PTPRD: variants seen among roughly 807,000 people sequenced by gnomAD.
PTPRD encodes the protein protein tyrosine phosphatase receptor type D.
PTPRD carries 34 observed loss-of-function variants against 214.5 expected under a neutral mutation model. The observed-to-expected ratio is 0.16, with a 90% CI of 0.12 to 0.21. The LOEUF (loss-of-function observed/expected upper bound fraction) is 0.21, where lower values mean the gene tolerates loss of function less well. PTPRD is among the 10% of genes least tolerant of loss of function. PTPRD has a pLI of 1.00. For synonymous variants in PTPRD, 1,128 were observed against 845.7 expected, an observed-to-expected ratio of 1.33 and a Z score of -5.79; for missense variants, 2,545 against 2,398.7, an observed-to-expected ratio of 1.06 and a Z score of -1.27.
At chr9:9,519,598 C>G (rs1049845240) in intron 8 of PTPRD, among the ~76,000 whole-genome samples, 2 of 151,982 alleles carry the variant, frequency 1.3e-5, no homozygotes, top group Non-Finnish European at 2.9e-5. Context: ...AATAAATCAA[C>G]TCCTAGAACA....
intron 3 of PTPRD, among the ~76,000 whole-genome samples, chr9:10,146,333 T>G (rs1163986408): frequency 6.6e-6 from 1 of 151,962 alleles, no homozygotes; most frequent in Non-Finnish European, 1.5e-5. Flanking sequence ...CTATCCTAAG[T>G]GGTAAGGATA....
intron 4 of PTPRD, among the ~76,000 whole-genome samples, chr9:9,990,843 A>G (rs533064123): frequency 6.6e-6 from 1 of 152,284 alleles, no homozygotes. Context: ...TGTCCACTCT[A>G]TGAGGGTCCT....
intron 10 of PTPRD, among the ~76,000 whole-genome samples, chr9:9,053,586 G>A (rs935133529): frequency 5.3e-5 from 8 of 152,046 alleles, no homozygotes; most frequent in Admixed American, 3.3e-4. Context: ...ACAGCCTGGT[G>A]GACACCTTGA....
intron 10 of PTPRD, among the ~76,000 whole-genome samples, chr9:9,140,723 T>C (rs995789267): frequency 1.8e-4 from 27 of 152,208 alleles, no homozygotes; most frequent in South Asian, 4.1e-4. Flanking sequence ...GGACTACAGG[T>C]GCCCGCCACC....
chr9:9,719,579 G>A (rs142641283), intron 7 of PTPRD, among the ~76,000 whole-genome samples: 38 of 152,236 alleles, frequency 2.5e-4, no homozygotes, highest in African/African-American at 8.9e-4. Context: ...TTGCAGGCCA[G>A]AACAAGGTGG....
chr9:9,756,245 T>C (rs1375423173), intron 6 of PTPRD, among the ~76,000 whole-genome samples: 2 of 152,114 alleles, frequency 1.3e-5, no homozygotes, highest in Non-Finnish European at 2.9e-5. Context: ...GTGAGATTCA[T>C]TAGCTTCTAA....
chr9:9,545,525 A>T (rs2078587032), intron 8 of PTPRD, among the ~76,000 whole-genome samples: 1 of 151,914 alleles, frequency 6.6e-6, no homozygotes, highest in South Asian at 2.1e-4. Context: ...AGAACATCTT[A>T]ATTTCTTTCA....
chr9:8,703,806 A>G (rs1212022855), intron 12 of PTPRD, among the ~76,000 whole-genome samples: 2 of 152,174 alleles, frequency 1.3e-5, no homozygotes, highest in Admixed American at 6.5e-5. Flanking sequence ...TCAAGTATCA[A>G]ATTGCTTATT....
At chr9:8,502,432 T>C in intron 23 of PTPRD, among the ~76,000 whole-genome samples, 1 of 152,112 alleles carries the variant, frequency 6.6e-6, no homozygotes, top group East Asian at 1.9e-4. Context: ...GGATTATCAG[T>C]CTTTCTTAAT....
chr9:9,512,245 T>C (rs979474384), intron 8 of PTPRD, among the ~76,000 whole-genome samples: 3 of 151,854 alleles, frequency 2.0e-5, no homozygotes, highest in African/African-American at 7.2e-5. Flanking sequence ...TCAATTAGTA[T>C]GCAAGCTTTC....
At chr9:9,200,215 G>A (rs1389632566) in intron 9 of PTPRD, among the ~76,000 whole-genome samples, 2 of 152,218 alleles carry the variant, frequency 1.3e-5, no homozygotes, top group Non-Finnish European at 2.9e-5. Context: ...TTAGAAAGCA[G>A]AAATCAGAAA....
At chr9:9,383,945 A>G (rs1442931369) in intron 9 of PTPRD, among the ~76,000 whole-genome samples, 1 of 151,988 alleles carries the variant, frequency 6.6e-6, no homozygotes, top group Non-Finnish European at 1.5e-5. Flanking sequence ...CAGAAGTGAT[A>G]TCTAACCCTG....
At chr9:9,975,481 C>G (rs76184542) in intron 4 of PTPRD, among the ~76,000 whole-genome samples, 1,894 of 152,344 alleles carry the variant, frequency 0.012, 41 homozygotes, top group African/African-American at 0.043. Flanking sequence ...TTGAGCCACT[C>G]TGAGTGAGGA....
intron 14 of PTPRD, among the ~76,000 whole-genome samples, chr9:8,549,661 T>C (rs932186017): frequency 6.6e-6 from 1 of 152,124 alleles, no homozygotes; most frequent in Non-Finnish European, 1.5e-5. Flanking sequence ...TAATGCAACT[T>C]TGAGAGGGGA....
rs150335209 is a variant in PTPRD, at chr9:8,318,250, T to A, written c.5671-308A>T. 5.5e-3 allele frequency among the ~76,000 whole-genome samples: 844 copies of A among 152,116 alleles called. 8 individuals are homozygous for A. Among genetic ancestry groups the A allele is most frequent in the African/African-American group, 0.018 (765 of 41,524 alleles). On this transcript the variant is annotated intron_variant, in intron 45 of 45. Coordinates refer to ENST00000381196, the MANE Select transcript of PTPRD (RefSeq NM_002839.4). ...AGTAGTATCAAACCATTACCACCAA[T>A]TGAACACATAAACTTCTTACATGCC...
chr9:8,359,311 A>AGCAG (rs1269355715), intron 39 of PTPRD, among the ~76,000 whole-genome samples: 1 of 151,372 alleles, frequency 6.6e-6, no homozygotes, highest in African/African-American at 2.4e-5. Context: ...GGTGGGGTCA[A>AGCAG]GCAGTTTGAA....
chr9:8,576,176 C>G (rs2092331102), intron 14 of PTPRD, among the ~76,000 whole-genome samples: 1 of 152,084 alleles, frequency 6.6e-6, no homozygotes, highest in Non-Finnish European at 1.5e-5. Flanking sequence ...AATGTGCACA[C>G]TTTTCAACCA....
At chr9:10,324,021 A>G (rs2154429845) in intron 3 of PTPRD, among the ~76,000 whole-genome samples, 1 of 152,208 alleles carries the variant, frequency 6.6e-6, no homozygotes, top group African/African-American at 2.4e-5. Flanking sequence ...TTAAGTTAGC[A>G]GAACCTGGAA....
chr9:10,319,789 C>T (rs568037994), intron 3 of PTPRD, among the ~76,000 whole-genome samples: 20 of 151,950 alleles, frequency 1.3e-4, no homozygotes, highest in Non-Finnish European at 2.5e-4. Flanking sequence ...TCACGAGAGA[C>T]AGCTAAATAT....
Sources: allele counts gnomAD v4.1 joint callset (sites outside exome capture counted in the v4.1 genomes callset), GRCh38; gene constraint gnomAD v4.1.1; transcripts MANE v1.5; gene names NCBI Gene and HGNC (gene_info 2026-07-23, HGNC 2026-07-21).